The following MACO1 variants were observed in gnomAD, a reference collection of about 807,000 sequenced individuals.
MACO1 encodes the protein macoilin 1, also known as macoilin.
A neutral mutation model predicts 78.7 loss-of-function variants in MACO1; 14 were observed. The observed-to-expected ratio is 0.18, with a 90% CI of 0.12 to 0.28. MACO1 has a LOEUF of 0.28. MACO1 is among the 10% of genes least tolerant of loss of function. The pLI, the probability that MACO1 is intolerant of heterozygous loss-of-function variation, is 1.00. For missense variants in MACO1, 501 were observed against 799.0 expected (o/e 0.63, Z 4.50); for synonymous variants, 288 against 291.6 (o/e 0.99, Z 0.12).
At chr1:25,461,341 C>T (rs987342611) in intron 6 of MACO1, among the ~76,000 whole-genome samples, 1 of 151,750 alleles carries the variant, frequency 6.6e-6, no homozygotes, top group African/African-American at 2.4e-5. Context: ...TGCACATGTA[C>T]CCTAAAACTT....
chr1:25,468,552 A>G (rs914317837), intron 6 of MACO1, among the ~76,000 whole-genome samples: 2 of 152,214 alleles, frequency 1.3e-5, no homozygotes, highest in African/African-American at 4.8e-5. Context: ...TAAGGAGAAT[A>G]TGGAAATCTG....
intron 3 of MACO1, 80 bp downstream of exon 3, chr1:25,449,014 T>C: frequency 1.6e-6 from 2 of 1,285,318 alleles, no homozygotes; most frequent in Non-Finnish European, 2.0e-6. Flanking sequence ...GAATACATTA[T>C]TTAGAGTTGA....
rs761423397 is a variant in MACO1 at position 25,458,817 on chromosome 1, G to A, written c.1079G>A (p.Ser360Asn). The A allele has an allele frequency of 1.2e-6, 2 of 1,614,154 alleles. No individual in the cohort carries two copies. Among genetic ancestry groups the A allele is most frequent in the Non-Finnish European group, 8.5e-7 (1 of 1,180,036 alleles). ...NEKKQKCTSK[S>N]PSTHKDLMEN... is the part of the protein sequence containing the mutation. ...AAGAAGCAGAAATGCACTAGCAAGA[G>A]CCCAAGTACACACAAGGACTTAATG... Residue 360 changes from serine to asparagine, a missense_variant, in exon 6 of 11, where the codon AGC (serine) becomes AAC (asparagine). By Grantham distance (46) the Ser-to-Asn change is conservative (BLOSUM62 1). Around this residue, in one of 5 missense-constraint regions of MACO1, gnomAD observed 163 missense variants for 271.9 expected, o/e 0.60. Transcript: ENST00000374343.
Position 25,456,588 on chromosome 1 carries a change from T to C in MACO1, c.474-65T>C, listed in dbSNP as rs2043123333. 61 of 1,529,184 alleles carry C rather than the reference T, an allele frequency of 4.0e-5. No individual in the cohort carries two copies. The South Asian group carries it at 7.2e-4, about 18-fold the overall frequency. The allele number at this position is 1,529,184 out of a possible 1,614,324, so 94.7% of individuals were successfully genotyped here. On this transcript the variant is annotated intron_variant, in intron 4 of 10. Coordinates refer to ENST00000374343, the MANE Select transcript of MACO1 (RefSeq NM_018202.6). ...AATTTTTAAGCCATAGGTATTCTCATGTGCTTGAGGCACATGTGGTTCATT... is the reference window on the plus strand; with the variant it reads ...AATTTTTAAGCCATAGGTATTCTCACGTGCTTGAGGCACATGTGGTTCATT...
chr1:25,468,704 G>A (rs901810293), intron 6 of MACO1, among the ~76,000 whole-genome samples: 10 of 152,138 alleles, frequency 6.6e-5, no homozygotes, highest in African/African-American at 2.4e-4. Context: ...GAGCCTGAAA[G>A]GAAATGGGGA....
In MACO1 at chr1:25,446,797, C is replaced by T. The variant is rs748156255; in HGVS notation, c.116C>T (p.Ala39Val). 4 of 1,613,468 alleles carry T rather than the reference C, an allele frequency of 2.5e-6. No individual in the cohort carries two copies. The highest frequency in any genetic ancestry group is 3.4e-6 in the Non-Finnish European group (4 of 1,179,734). The change falls in exon 2 of 11, where the codon GCA (alanine) becomes GTA (valine). Residue 39 changes from alanine to valine, a missense_variant. By Grantham distance (64) the Ala-to-Val change is moderately conservative. Coordinates refer to ENST00000374343, the MANE Select transcript of MACO1 (RefSeq NM_018202.6). ...TACCTGAAATTCCTGGTGGTGTGGGCACTTGTCCTCCTAGCAGATTTTGTC... is the reference window on the plus strand; with the variant it reads ...TACCTGAAATTCCTGGTGGTGTGGGTACTTGTCCTCCTAGCAGATTTTGTC... ...FLYLKFLVVW[A>V]LVLLADFVLE... is the part of the protein sequence containing the mutation.
At chr1:25,475,319 T>C (rs1039227574) in intron 6 of MACO1, among the ~76,000 whole-genome samples, 1 of 152,162 alleles carries the variant, frequency 6.6e-6, no homozygotes, top group East Asian at 1.9e-4. Context: ...TACTCCAGCC[T>C]GGGCAACAGA....
At chr1:25,490,337 C>T (rs1231099106) in intron 9 of MACO1, among the ~76,000 whole-genome samples, 1 of 152,100 alleles carries the variant, frequency 6.6e-6, no homozygotes, top group African/African-American at 2.4e-5. Context: ...AGAGGAAATA[C>T]AGGTGACTGA....
chr1:25,487,962 A>G (rs551108268), intron 8 of MACO1, among the ~76,000 whole-genome samples: 1 of 152,320 alleles, frequency 6.6e-6, no homozygotes, highest in African/African-American at 2.4e-5. Flanking sequence ...TGGGATAAAT[A>G]TACCCTAGGT....
chr1:25,458,473 A>C lies in MACO1; in HGVS notation c.735A>C (p.Thr245=). Residue 245 remains threonine, a synonymous_variant, in exon 6 of 11, where the codon ACA becomes ACC. Transcript: ENST00000374343. Reference sequence around the variant, plus strand: ...TCCCAGCCAACAAAAAACTCTCCACAACTTTGCCAGAGATAGAATACCGAG... The same window carrying C: ...TCCCAGCCAACAAAAAACTCTCCACCACTTTGCCAGAGATAGAATACCGAG... ...GGIPANKKLS[T]TLPEIEYREK... is the part of the protein sequence containing the mutation. The C allele has an allele frequency of 6.2e-7, 1 of 1,614,008 alleles. No individual in the cohort carries two copies. The highest frequency in any genetic ancestry group is 8.5e-7 in the Non-Finnish European group (1 of 1,179,970).
intron 1 of MACO1, among the ~76,000 whole-genome samples, chr1:25,439,728 A>G (rs1178216491): frequency 1.3e-5 from 2 of 151,814 alleles, no homozygotes; most frequent in Non-Finnish European, 2.9e-5. Flanking sequence ...CACTCTTAAA[A>G]ATGATTGAGG....
chr1:25,473,331 G>A lies in MACO1; in HGVS notation c.1155-10785G>A, dbSNP rs548760125. 4.5e-3 allele frequency among the ~76,000 whole-genome samples: 692 copies of A among 152,200 alleles called. 5 individuals carry two copies. The highest frequency in any genetic ancestry group is 0.016 in the African/African-American group (662 of 41,502). ...CAGGGTTTTTTGTGGCTTGAAAAAC[G>A]TGGCATTTTAGAAACTAGGCATAAG... On this transcript the variant is annotated intron_variant, in intron 6 of 10. Coordinates refer to ENST00000374343, the MANE Select transcript of MACO1 (RefSeq NM_018202.6).
intron 1 of MACO1, among the ~76,000 whole-genome samples, chr1:25,444,185 G>A (rs1416338851): frequency 6.6e-6 from 1 of 151,254 alleles, no homozygotes; most frequent in Non-Finnish European, 1.5e-5. Flanking sequence ...CTTGAACCCG[G>A]GAAGTGGAGG....
In MACO1 at chr1:25,499,511, T is replaced by C. The variant is rs2043569129; in HGVS notation, c.*1045T>C. ...TCTCCACTTTTCATCATTTTGTGTT[T>C]GATGATTTAAAAGAAGCTTGACTAT... On this transcript the variant is annotated 3_prime_UTR_variant, in exon 11 of 11. Coordinates refer to ENST00000374343, the MANE Select transcript of MACO1 (RefSeq NM_018202.6). 1 of 151,984 alleles carries C rather than the reference T, an allele frequency of 6.6e-6. No individual in the cohort carries two copies. The highest frequency in any genetic ancestry group is 2.1e-4 in the South Asian group (1 of 4,806). The allele number at this position is 151,984 out of a possible 1,614,324, so 9.4% of individuals were successfully genotyped here. A position where few individuals can be genotyped will look rare whatever the true frequency, so the allele number is the denominator to read the frequency against.
chr1:25,483,965 A>G lies in MACO1; in HGVS notation c.1155-151A>G, dbSNP rs1474544674. 4 of 697,380 alleles carry G rather than the reference A, an allele frequency of 5.7e-6. No homozygotes were observed. In the African/African-American group the frequency reaches 7.3e-5, roughly 13 times the overall value. 43.2% of individuals were successfully genotyped at this position (697,380 alleles called of 1,614,324 possible). On this transcript the variant is annotated intron_variant, in intron 6 of 10. Coordinates refer to ENST00000374343, the MANE Select transcript of MACO1 (RefSeq NM_018202.6). ...TGGAATCATTCAACAAAATTAACCC[A>G]GTTGCAGACAGGAGTCCTCATCATG...
chr1:25,471,693 C>A (rs1277824825), intron 6 of MACO1, among the ~76,000 whole-genome samples: 2 of 152,308 alleles, frequency 1.3e-5, no homozygotes, highest in African/African-American at 4.8e-5. Flanking sequence ...AATTTTATCA[C>A]AGTGCAACTC....
chr1:25,441,212 C>T (rs943703180), intron 1 of MACO1, among the ~76,000 whole-genome samples: 26 of 151,222 alleles, frequency 1.7e-4, no homozygotes, highest in Admixed American at 5.3e-4. Context: ...TTTTTTGAGA[C>T]GGAGTTTTGC....
intron 6 of MACO1, among the ~76,000 whole-genome samples, chr1:25,474,605 C>T (rs1445650954): frequency 1.3e-5 from 2 of 152,098 alleles, no homozygotes; most frequent in African/African-American, 2.4e-5. Context: ...GCTTTCATAC[C>T]GCTTAGAAGG....
At chr1:25,477,205 T>C (rs190674518) in intron 6 of MACO1, among the ~76,000 whole-genome samples, 1,935 of 152,272 alleles carry the variant, frequency 0.013, 23 homozygotes, top group Non-Finnish European at 0.02. Flanking sequence ...TTGGGCACCG[T>C]GTGCTGGAGA....
Sources: allele counts gnomAD v4.1 joint callset (sites outside exome capture counted in the v4.1 genomes callset), GRCh38; gene constraint gnomAD v4.1.1; regional missense constraint gnomAD v4.1.1; transcripts MANE v1.5; gene names NCBI Gene and HGNC (gene_info 2026-07-23, HGNC 2026-07-21).